The following TRIP12 variants were observed in gnomAD, a reference collection of about 807,000 sequenced individuals.
TRIP12 encodes the protein thyroid hormone receptor interactor 12, also known as E3 ubiquitin-protein ligase TRIP12.
In TRIP12, 25 loss-of-function variants were observed where a neutral mutation model predicts 244.2. The observed-to-expected ratio is 0.10, with a 90% CI of 0.07 to 0.14. The LOEUF (loss-of-function observed/expected upper bound fraction) is 0.14. TRIP12 is among the 10% of genes least tolerant of loss of function. The pLI is 1.00. For missense variants in TRIP12, 1,677 were observed against 2,486.4 expected, an observed-to-expected ratio of 0.67 and a Z score of 6.92; for synonymous variants, 905 against 873.1, an observed-to-expected ratio of 1.04 and a Z score of -0.64.
intron 13 of TRIP12, among the ~76,000 whole-genome samples, chr2:229,811,415 G>T (rs2047213107): frequency 6.6e-6 from 1 of 150,992 alleles, no homozygotes; most frequent in Non-Finnish European, 1.5e-5. Context: ...CCTCTCTCTT[G>T]TATAAAGGCC....
intron 1 of TRIP12, among the ~76,000 whole-genome samples, chr2:229,891,404 G>A (rs1015335416): frequency 2.0e-5 from 3 of 152,070 alleles, no homozygotes; most frequent in Non-Finnish European, 2.9e-5. Flanking sequence ...TAACCTGGGC[G>A]ACAGAGCGAA....
chr2:229,787,514 A>G lies in TRIP12; in HGVS notation c.4986T>C (p.Asp1662=), dbSNP rs1468657712. The change falls in exon 33 of 42, where the codon GAT becomes GAC. Residue 1662 remains aspartate, a synonymous_variant. Coordinates refer to ENST00000675903, the MANE Select transcript of TRIP12 (RefSeq NM_001348323.3). ...TTGGGGAGAAACTTACTTTTTTTCTATCCAATCTAGGTGCAACTCTGCTAT... is the reference window on the plus strand; with the variant it reads ...TTGGGGAGAAACTTACTTTTTTTCTGTCCAATCTAGGTGCAACTCTGCTAT... The part of the protein sequence containing the change: ...SQDSRVAPRL[D]RKKRTVNREE... The G allele has an allele frequency of 1.3e-6, 2 of 1,598,482 alleles. No homozygotes were observed. Among genetic ancestry groups the G allele is most frequent in the Admixed American group, 3.6e-5 (2 of 55,436 alleles).
chr2:229,793,850 G>GTTT (rs34301622), intron 26 of TRIP12, among the ~76,000 whole-genome samples: 13 of 146,708 alleles, frequency 8.9e-5, no homozygotes, highest in Admixed American at 6.8e-5. Context: ...TACAATGAGT[G>GTTT]TTTTTTTTTT....
intron 1 of TRIP12, among the ~76,000 whole-genome samples, chr2:229,890,662 G>T (rs1014115433): frequency 2.0e-5 from 3 of 152,074 alleles, no homozygotes; most frequent in African/African-American, 7.2e-5. Flanking sequence ...TTAACACCTG[G>T]TGAATAATAG....
At chr2:229,801,224 C>A (rs908105256) in intron 21 of TRIP12, among the ~76,000 whole-genome samples, 1 of 152,176 alleles carries the variant, frequency 6.6e-6, no homozygotes, top group African/African-American at 2.4e-5. Context: ...ACTGGTCAAA[C>A]AACATGGGTG....
intron 4 of TRIP12, among the ~76,000 whole-genome samples, chr2:229,852,308 A>G (rs1210936815): frequency 6.6e-6 from 1 of 152,170 alleles, no homozygotes; most frequent in Admixed American, 6.6e-5. Flanking sequence ...TTTGATCACC[A>G]ATTGTTTCTT....
At chr2:229,817,766 T>G (rs1355374088) in intron 9 of TRIP12, among the ~76,000 whole-genome samples, 1 of 152,110 alleles carries the variant, frequency 6.6e-6, no homozygotes, top group Non-Finnish European at 1.5e-5. Context: ...GGCTAATTTT[T>G]GTATTTTTAG....
At chr2:229,839,155 T>G (rs1240768099) in intron 5 of TRIP12, among the ~76,000 whole-genome samples, 1 of 152,206 alleles carries the variant, frequency 6.6e-6, no homozygotes, top group Non-Finnish European at 1.5e-5. Context: ...ACCTTTTCTA[T>G]GTTTAGATAT....
chr2:229,818,595 G>T, intron 8 of TRIP12, 83 bp from the exon 9 acceptor site: 2 of 1,319,714 alleles, frequency 1.5e-6, no homozygotes, highest in African/African-American at 3.0e-5. Context: ...AATGTAATTG[G>T]TTGCTTATCT....
At chr2:229,918,967 A>C (rs1479065551) in intron 1 of TRIP12, among the ~76,000 whole-genome samples, 1 of 152,262 alleles carries the variant, frequency 6.6e-6, no homozygotes, top group Non-Finnish European at 1.5e-5. Flanking sequence ...AATGAAGACC[A>C]GATAGGTTAA....
chr2:229,901,690 C>A (rs1180765998), intron 1 of TRIP12, among the ~76,000 whole-genome samples: 4 of 151,666 alleles, frequency 2.6e-5, no homozygotes, highest in African/African-American at 9.7e-5. Context: ...TTTTTAGGAA[C>A]TGGAAGGTAA....
chr2:229,894,552 G>A (rs753801061), intron 1 of TRIP12: 3 of 152,170 alleles, frequency 2.0e-5, no homozygotes, highest in Non-Finnish European at 4.4e-5. Flanking sequence ...CAAACCGACT[G>A]CTGGGAAAGT....
Position 229,834,857 on chromosome 2 carries a change from T to C in TRIP12, c.1270+1991A>G, listed in dbSNP as rs750201673. Among the ~76,000 whole-genome samples, 14 of 152,208 alleles carry C rather than the reference T, an allele frequency of 9.2e-5. 1 individual carries two copies. The highest frequency in any genetic ancestry group is 4.6e-4 in the Admixed American group (7 of 15,272). ...TTCAACTTCAAAGGCTAGCATTTCT[T>C]ACATGAAGAGCTAATGTGGTTGGGC... On this transcript the variant is annotated intron_variant, in intron 6 of 41. Coordinates refer to ENST00000675903, the MANE Select transcript of TRIP12 (RefSeq NM_001348323.3).
intron 8 of TRIP12, among the ~76,000 whole-genome samples, chr2:229,823,355 CG>C: frequency 6.6e-6 from 1 of 152,090 alleles, no homozygotes; most frequent in East Asian, 1.9e-4. Context: ...TGCAGTAGCC[CG>C]ATCTCGGCTA....
chr2:229,770,963 G>C (rs778745983), intron 39 of TRIP12, among the ~76,000 whole-genome samples: 2 of 152,122 alleles, frequency 1.3e-5, no homozygotes, highest in African/African-American at 4.8e-5. Flanking sequence ...GCCCAGTCTC[G>C]GTTATGTCTT....
At chr2:229,777,581 G>C in intron 36 of TRIP12, 102 bp from the exon 37 acceptor site, 1 of 1,180,796 alleles carries the variant, frequency 8.5e-7, no homozygotes. Context: ...AATAGGTCAA[G>C]TAATCCCCAA....
chr2:229,802,833 C>G (rs1476861271), intron 20 of TRIP12, among the ~76,000 whole-genome samples: 1 of 151,872 alleles, frequency 6.6e-6, no homozygotes, highest in Non-Finnish European at 1.5e-5. Flanking sequence ...TGGAAAAGAC[C>G]AAGAATCAGT....
chr2:229,782,148 G>T (rs1054825309), intron 34 of TRIP12, among the ~76,000 whole-genome samples: 1 of 152,100 alleles, frequency 6.6e-6, no homozygotes, highest in African/African-American at 2.4e-5. Flanking sequence ...AGGTCCTGCA[G>T]TCTCATAAGT....
intron 1 of TRIP12, among the ~76,000 whole-genome samples, chr2:229,880,812 C>T (rs537513587): frequency 3.3e-5 from 5 of 152,064 alleles, no homozygotes; most frequent in South Asian, 4.2e-4. Context: ...GGTGTGGTGG[C>T]GCACATTTGT....
Sources: gnomAD v4.1 joint callset for allele counts (sites outside exome capture counted in the v4.1 genomes callset) on GRCh38, gnomAD v4.1.1 for gene constraint, MANE v1.5 for transcripts, NCBI Gene and HGNC (gene_info 2026-07-23, HGNC 2026-07-21) for gene names.